Variants in CEP164 observed in about 807,000 individuals in gnomAD.
CEP164 encodes the protein centrosomal protein 164, also known as centrosomal protein of 164 kDa.
Under a neutral mutation model 182.7 loss-of-function variants are expected in CEP164, and 162 were observed. The observed-to-expected ratio is 0.89, with a 90% CI of 0.78 to 1.01. CEP164 has a LOEUF of 1.01. Among genes scored for constraint, CEP164 ranks in the 50% least tolerant of loss-of-function variants. The probability of loss-of-function intolerance (pLI) is 0.00; values close to 1 mark genes in which losing one functional copy is unlikely to be tolerated. For synonymous variants in CEP164, 661 were observed against 690.0 expected, an observed-to-expected ratio of 0.96 and a Z score of 0.66; for missense variants, 1,735 against 1,790.4, an observed-to-expected ratio of 0.97 and a Z score of 0.56.
intron 27 of CEP164, among the ~76,000 whole-genome samples, chr11:117,405,194 TG>T (rs879512257): frequency 6.6e-6 from 1 of 152,140 alleles, no homozygotes; most frequent in Non-Finnish European, 1.5e-5. Context: ...CAGGTGCCAC[TG>T]GGGTATGAAA....
chr11:117,410,660 T>A, intron 30 of CEP164, 168 bp from the exon 31 acceptor site: 1 of 534,712 alleles, frequency 1.9e-6, no homozygotes, highest in Non-Finnish European at 3.3e-6. Context: ...AAAAGTAGAT[T>A]AAGTTTTAAA....
At chr11:117,348,098 TAGCTGG>T (rs1448192037) in intron 4 of CEP164, among the ~76,000 whole-genome samples, 5 of 151,964 alleles carry the variant, frequency 3.3e-5, no homozygotes, top group African/African-American at 1.2e-4. Flanking sequence ...GCTTCCCGAG[TAGCTGG>T]GACTACAGGT....
rs1459918248 is a variant in CEP164 at position 117,411,966 on chromosome 11, C to T, written c.4286+49C>T. 6.2e-7 allele frequency: 1 copy of T among 1,611,870 alleles called. No individual in the cohort carries two copies. The highest frequency in any genetic ancestry group is 8.5e-7 in the Non-Finnish European group (1 of 1,178,780). Reference sequence around the variant, plus strand: ...ACTGGGCTGGGCTGTGGGGACTGTGCTTGTGCCCTGAGGGGCTGAGGAGGA... The same window carrying T: ...ACTGGGCTGGGCTGTGGGGACTGTGTTTGTGCCCTGAGGGGCTGAGGAGGA... On this transcript the variant is annotated intron_variant, in intron 32 of 32. Coordinates refer to ENST00000278935, the MANE Select transcript of CEP164 (RefSeq NM_014956.5). This position sits in a 1 kb window ranked among gnomAD's most constrained non-coding sequence, Gnocchi z 4.4.
In CEP164 at chr11:117,357,356, GCCTTGGCCTCCC is replaced by G. The variant is rs371356769; in HGVS notation, c.394-4477_394-4466del. Among the ~76,000 whole-genome samples, 147 of 151,284 alleles carry G rather than the reference GCCTTGGCCTCCC, an allele frequency of 9.7e-4. 1 individual carries two copies. In the South Asian group the frequency reaches 0.015, roughly 16 times the overall value. ...ACTCCTGGTCTCAAGTGATCCACCT[GCCTTGGCCTCCC>G]CAAGTGCTGGGATTATAGACATGAG... On this transcript the variant is annotated intron_variant, in intron 5 of 32. Coordinates refer to ENST00000278935, the MANE Select transcript of CEP164 (RefSeq NM_014956.5).
In CEP164 at chr11:117,411,205, G is replaced by A. The variant is rs372017887; in HGVS notation, c.4163+311G>A. ...CAGCCCCTGGTGGGACCCTGCCCCCGCCCCTCCCTCTAGCCCCTCCAGCCC... is the reference window on the plus strand; with the variant it reads ...CAGCCCCTGGTGGGACCCTGCCCCCACCCCTCCCTCTAGCCCCTCCAGCCC... On this transcript the variant is annotated intron_variant, in intron 31 of 32. Coordinates refer to ENST00000278935, the MANE Select transcript of CEP164 (RefSeq NM_014956.5). This position sits in a 1 kb window ranked among gnomAD's most constrained non-coding sequence, Gnocchi z 4.4. 4.4e-5 allele frequency: 15 copies of A among 342,840 alleles called. No individual in the cohort carries two copies. The East Asian group carries it at 6.8e-4, about 16-fold the overall frequency. 21.2% of individuals were successfully genotyped at this position (342,840 alleles called of 1,614,324 possible).
Position 117,381,768 on chromosome 11 carries a change from G to C in CEP164, c.1477G>C (p.Glu493Gln), listed in dbSNP as rs2136140136. 3 of 1,605,434 alleles carry C rather than the reference G, an allele frequency of 1.9e-6. No individual in the cohort carries two copies. Among genetic ancestry groups the C allele is most frequent in the Middle Eastern group, 1.7e-4 (1 of 5,966 alleles). ...SPPRSLATEEEPPQGPEGQPE... is the reference protein window; with the variant it reads ...SPPRSLATEEQPPQGPEGQPE... ...CCCTCGCAGCCTGGCCACTGAAGAA[G>C]AGCCTCCCCAGGGCCCCGAGGGGCA... Residue 493 changes from glutamate (E) to glutamine (Q), a missense_variant, in exon 13 of 33, where the codon GAG becomes CAG. Transcript: ENST00000278935.
upstream of CEP164, among the ~76,000 whole-genome samples, chr11:117,327,404 C>T (rs1349591723): frequency 2.0e-5 from 3 of 151,376 alleles, no homozygotes; most frequent in South Asian, 4.2e-4. Flanking sequence ...TATAAATACT[C>T]TAAATAGTCC....
chr11:117,409,435 C>T lies in CEP164; in HGVS notation c.3749-183C>T, dbSNP rs1400773688. On this transcript the variant is annotated intron_variant, in intron 29 of 32. Coordinates refer to ENST00000278935, the MANE Select transcript of CEP164 (RefSeq NM_014956.5). This position sits in a 1 kb window ranked among gnomAD's most constrained non-coding sequence, Gnocchi z 4.4. ...GAAACCTGTTTCTCATGGCCAGCTT[C>T]TCACTTGCACTGTCTGGAACACAGA... 2 of 618,708 alleles carry T rather than the reference C, an allele frequency of 3.2e-6. No individual in the cohort carries two copies. The highest frequency in any genetic ancestry group is 5.6e-6 in the Non-Finnish European group (2 of 356,794). 38.3% of individuals were successfully genotyped at this position (618,708 alleles called of 1,614,324 possible). A position where few individuals can be genotyped will look rare whatever the true frequency, so the allele number is the denominator to read the frequency against.
chr11:117,394,794 A>G lies in CEP164; in HGVS notation c.2761-126A>G. 1 of 1,025,354 alleles carries G rather than the reference A, an allele frequency of 9.8e-7. No individual in the cohort carries two copies. Among genetic ancestry groups the G allele is most frequent in the East Asian group, 2.4e-5 (1 of 41,974 alleles). 63.5% of individuals were successfully genotyped at this position (1,025,354 alleles called of 1,614,324 possible). ...CCTTCCTGGGAGGCTGCAGGGGCAC[A>G]CAGCGAGGAAGCCTGAGCCCAGAGT... On this transcript the variant is annotated intron_variant, in intron 21 of 32. Coordinates refer to ENST00000278935, the MANE Select transcript of CEP164 (RefSeq NM_014956.5). This position sits in a 1 kb window ranked among gnomAD's most constrained non-coding sequence, Gnocchi z 4.0.
chr11:117,361,833 A>G lies in CEP164; in HGVS notation c.394-2A>G. ...TGTAACAAGATGTTTTCTGTTGCACAGGCCTTGGGTTCCTCATTAGCCCCA... is the reference window on the plus strand; with the variant it reads ...TGTAACAAGATGTTTTCTGTTGCACGGGCCTTGGGTTCCTCATTAGCCCCA... On this transcript the variant is annotated splice_acceptor_variant, in intron 5 of 32. Coordinates refer to ENST00000278935, the MANE Select transcript of CEP164 (RefSeq NM_014956.5). LOFTEE classifies it high-confidence loss of function. The G allele has an allele frequency of 6.2e-7, 1 of 1,614,224 alleles. No individual in the cohort carries two copies. Among genetic ancestry groups the G allele is most frequent in the Non-Finnish European group, 8.5e-7 (1 of 1,180,044 alleles).
chr11:117,351,676 C>G (rs1565453253), intron 4 of CEP164, 114 bp from the exon 5 acceptor site: 2 of 919,674 alleles, frequency 2.2e-6, no homozygotes, highest in Non-Finnish European at 3.4e-6. Flanking sequence ...CCTTTTCCAC[C>G]CCACTCTCTT....
chr11:117,324,949 T>C (rs1278072051), upstream of CEP164, among the ~76,000 whole-genome samples: 2 of 152,214 alleles, frequency 1.3e-5, no homozygotes, highest in African/African-American at 4.8e-5. Flanking sequence ...TTGCAAATTC[T>C]TAGATATAGG....
rs1592160731 is a variant in CEP164 at position 117,361,941 on chromosome 11, T to G, written c.500T>G (p.Val167Gly). The part of the protein sequence containing the change: ...PPSALRGSQS[V>G]SLGSSVESGR... ...TCTGCTCTTCGTGGATCTCAAAGCG[T>G]GAGCCTGGGGAGCTCAGTGGAGTCT... Residue 167 changes from valine to glycine, a missense_variant, in exon 6 of 33, where the codon GTG becomes GGG. Coordinates refer to ENST00000278935, the MANE Select transcript of CEP164 (RefSeq NM_014956.5). 6.2e-7 allele frequency: 1 copy of G among 1,609,840 alleles called. No individual in the cohort carries two copies. Among genetic ancestry groups the G allele is most frequent in the Non-Finnish European group, 8.5e-7 (1 of 1,178,774 alleles).
At chr11:117,396,690 G>T in intron 26 of CEP164, 79 bp downstream of exon 26, 1 of 1,097,532 alleles carries the variant, frequency 9.1e-7, no homozygotes, top group Non-Finnish European at 1.4e-6. Context: ...TAGAGCTGGG[G>T]TGAGCTGAAG....
intron 2 of CEP164, 97 bp from the exon 3 acceptor site, chr11:117,338,469 T>C: frequency 2.3e-6 from 2 of 853,916 alleles, no homozygotes; most frequent in East Asian, 4.9e-5. Flanking sequence ...CTGCAGGGTC[T>C]GGTTTGACCC....
At chr11:117,348,025 A>C (rs1051304032) in intron 4 of CEP164, among the ~76,000 whole-genome samples, 2 of 152,044 alleles carry the variant, frequency 1.3e-5, no homozygotes, top group South Asian at 4.1e-4. Flanking sequence ...GCTGGAGTAC[A>C]GTGGTATGAT....
At chr11:117,348,274 G>C (rs549165373) in intron 4 of CEP164, among the ~76,000 whole-genome samples, 16 of 152,078 alleles carry the variant, frequency 1.1e-4, no homozygotes, top group African/African-American at 2.7e-4. Flanking sequence ...GCCCAGCCTA[G>C]AAATATTATC....
intron 27 of CEP164, among the ~76,000 whole-genome samples, chr11:117,398,443 T>C (rs1453918197): frequency 6.6e-6 from 1 of 152,202 alleles, no homozygotes; most frequent in Non-Finnish European, 1.5e-5. Context: ...CTCACAGCTC[T>C]ATTAGGCAGT....
Position 117,409,017 on chromosome 11 carries a change from G to A in CEP164, c.3737G>A (p.Arg1246Gln), listed in dbSNP as rs147208889. The A allele has an allele frequency of 1.4e-5, 23 of 1,613,902 alleles. No homozygotes were observed. The East Asian group carries it at 3.8e-4, about 27-fold the overall frequency. ...SFSPPHREWWRQQRIDSTPSL... is the reference protein window; with the variant it reads ...SFSPPHREWWQQQRIDSTPSL... ...TCCCCGCCTCACCGTGAGTGGTGGCGGCAGCAGAGGAGTGAGTGGGGGAGA... is the reference window on the plus strand; with the variant it reads ...TCCCCGCCTCACCGTGAGTGGTGGCAGCAGCAGAGGAGTGAGTGGGGGAGA... The change falls in exon 29 of 33, where the codon CGG becomes CAG. Residue 1246 changes from arginine to glutamine, a missense_variant. Coordinates refer to ENST00000278935, the MANE Select transcript of CEP164 (RefSeq NM_014956.5). This position sits in a 1 kb window ranked among gnomAD's most constrained non-coding sequence, Gnocchi z 4.4.
Sources: allele counts gnomAD v4.1 joint callset (sites outside exome capture counted in the v4.1 genomes callset), GRCh38; gene constraint gnomAD v4.1.1; non-coding constraint Gnocchi (gnomAD v3.1); transcripts MANE v1.5; gene names NCBI Gene and HGNC (gene_info 2026-07-23, HGNC 2026-07-21).